Variants in KIDINS220 observed in about 807,000 individuals in gnomAD.
KIDINS220 encodes the protein kinase D interacting substrate 220.
A neutral mutation model predicts 157.6 loss-of-function variants in KIDINS220; 63 were observed. The observed-to-expected ratio is 0.40, with a 90% CI of 0.33 to 0.49. The LOEUF (loss-of-function observed/expected upper bound fraction) is 0.49. Among genes scored for constraint, KIDINS220 ranks in the 20% least tolerant of loss-of-function variants. The pLI, the probability that KIDINS220 is intolerant of heterozygous loss-of-function variation, is 0.66. For synonymous variants in KIDINS220, 732 were observed against 783.6 expected (o/e 0.93, Z 1.10); for missense variants, 1,772 against 2,171.2 (o/e 0.82, Z 3.65).
intron 4 of KIDINS220, among the ~76,000 whole-genome samples, chr2:8,817,184 G>A (rs1284324663): frequency 6.6e-6 from 1 of 152,108 alleles, no homozygotes; most frequent in Non-Finnish European, 1.5e-5. Flanking sequence ...CTTCTGTCAT[G>A]CACAGATAGC....
intron 21 of KIDINS220, among the ~76,000 whole-genome samples, chr2:8,771,251 T>G (rs1345330693): frequency 6.6e-6 from 1 of 152,228 alleles, no homozygotes; most frequent in Non-Finnish European, 1.5e-5. Context: ...GATCCAAATA[T>G]GCCAGTCCAT....
intron 24 of KIDINS220, among the ~76,000 whole-genome samples, chr2:8,748,360 A>C (rs758212169): frequency 5.9e-5 from 9 of 152,216 alleles, no homozygotes; most frequent in African/African-American, 9.6e-5. Flanking sequence ...TAAAAGAAGC[A>C]GACTGGAATC....
In KIDINS220 at chr2:8,826,986, C is replaced by T; in HGVS notation, c.108G>A (p.Glu36=). 1.3e-6 allele frequency: 2 copies of T among 1,574,000 alleles called. No individual in the cohort carries two copies. Among genetic ancestry groups the T allele is most frequent in the Non-Finnish European group, 1.7e-6 (2 of 1,150,956 alleles). Residue 36 remains glutamate, a splice_region_variant and synonymous_variant, in exon 2 of 30, where the codon GAG becomes GAA. Coordinates refer to ENST00000256707, the MANE Select transcript of KIDINS220 (RefSeq NM_020738.4). ...TGTAATTTTGCAAACTTGGTCTTAC[C>T]TCATTTCTCTCATCTACATCTTTGC... is the stretch of plus-strand genomic sequence containing the variant. The part of the protein sequence containing the change: ...EKCKDVDERN[E]CGQTPLMIAA...
intron 1 of KIDINS220, among the ~76,000 whole-genome samples, chr2:8,832,737 AC>A (rs778525032): frequency 5.9e-5 from 9 of 152,230 alleles, no homozygotes; most frequent in Non-Finnish European, 1.0e-4. Flanking sequence ...CTCATCTTTC[AC>A]ATTTCAGTTC....
At chr2:8,746,931 GGGAAAA>G in intron 26 of KIDINS220, 1 of 490,736 alleles carries the variant, frequency 2.0e-6, no homozygotes, top group East Asian at 3.2e-5. Context: ...ATTGAAAAAG[GGGAAAA>G]GCAGGAGGAA....
downstream of KIDINS220, chr2:8,724,572 G>A (rs1663158449): frequency 6.6e-6 from 1 of 152,110 alleles, no homozygotes; most frequent in South Asian, 2.1e-4. The surrounding 1 kb of genome is among the most constrained non-coding windows in gnomAD (Gnocchi z 4.6). Context: ...TGTAGGATTT[G>A]TGGGCAGACA....
chr2:8,777,998 C>T (rs1671199553), intron 20 of KIDINS220, among the ~76,000 whole-genome samples: 1 of 152,100 alleles, frequency 6.6e-6, no homozygotes, highest in Non-Finnish European at 1.5e-5. Context: ...CAGAAAAAAA[C>T]ATAATGCCAA....
At chr2:8,793,352 T>C (rs1365928374) in intron 12 of KIDINS220, among the ~76,000 whole-genome samples, 1 of 151,964 alleles carries the variant, frequency 6.6e-6, no homozygotes, top group Non-Finnish European at 1.5e-5. Flanking sequence ...AAAAATCAGC[T>C]GGGTGTGGTA....
At chr2:8,775,454 G>T (rs115129822) in intron 21 of KIDINS220, among the ~76,000 whole-genome samples, 1 of 152,138 alleles carries the variant, frequency 6.6e-6, no homozygotes, top group Non-Finnish European at 1.5e-5. Flanking sequence ...AAATCCAGTC[G>T]GTGTGGCATT....
chr2:8,736,825 C>A (rs1466603228), intron 27 of KIDINS220, 43 bp downstream of exon 27: 1 of 1,608,714 alleles, frequency 6.2e-7, no homozygotes, highest in African/African-American at 1.3e-5. Flanking sequence ...CTGTCTTCCG[C>A]CCCCAGCGCT....
intron 14 of KIDINS220, 92 bp from the exon 15 acceptor site, chr2:8,788,904 A>G (rs1004047078): frequency 1.9e-6 from 2 of 1,065,292 alleles, no homozygotes; most frequent in African/African-American, 1.6e-5. Context: ...ATGAGAGCTA[A>G]GCTTACATAG....
At chr2:8,800,268 T>C (rs1361552760) in intron 9 of KIDINS220, 132 bp downstream of exon 9, 6 of 550,444 alleles carry the variant, frequency 1.1e-5, no homozygotes, top group African/African-American at 3.8e-5. Flanking sequence ...TTAGTAATAA[T>C]ATACGTCTGT....
chr2:8,763,028 T>A (rs1668982873), intron 22 of KIDINS220, among the ~76,000 whole-genome samples: 1 of 152,196 alleles, frequency 6.6e-6, no homozygotes, highest in African/African-American at 2.4e-5. Flanking sequence ...TGCAGAAAAA[T>A]TTCTATCTGC....
intron 1 of KIDINS220, among the ~76,000 whole-genome samples, chr2:8,830,445 G>T (rs1679444595): frequency 6.6e-6 from 1 of 152,074 alleles, no homozygotes; most frequent in African/African-American, 2.4e-5. Context: ...TTGAGACAGG[G>T]TCTCACTCTG....
At position 8,817,134 on chromosome 2, in the gene KIDINS220, G is replaced by T. The variant is rs536067910; in HGVS notation, c.306+484C>A. On this transcript the variant is annotated intron_variant, in intron 4 of 29. Coordinates refer to ENST00000256707, the MANE Select transcript of KIDINS220 (RefSeq NM_020738.4). ...TGCTTTAACCAGATGCCAAACTCAAGTAAGAGCTAAGTAATAATTAAGGAT... is the reference window on the plus strand; with the variant it reads ...TGCTTTAACCAGATGCCAAACTCAATTAAGAGCTAAGTAATAATTAAGGAT... Among the ~76,000 whole-genome samples the T allele has an allele frequency of 2.0e-5, 3 of 152,278 alleles. No homozygotes were observed. The East Asian group carries it at 5.8e-4, about 29-fold the overall frequency.
chr2:8,724,281 C>T (rs902419350), downstream of KIDINS220: 1 of 152,364 alleles, frequency 6.6e-6, no homozygotes, highest in South Asian at 2.1e-4. The surrounding 1 kb of genome is among the most constrained non-coding windows in gnomAD (Gnocchi z 4.6). Context: ...CGGAGTCTCA[C>T]TCTGTCGCCC....
At chr2:8,787,013 T>A (rs974986257) in intron 15 of KIDINS220, among the ~76,000 whole-genome samples, 3 of 152,110 alleles carry the variant, frequency 2.0e-5, no homozygotes, top group African/African-American at 7.2e-5. Flanking sequence ...AATTAAACTC[T>A]CATCTCAGTC....
chr2:8,762,142 A>G (rs1245592773), intron 22 of KIDINS220, among the ~76,000 whole-genome samples: 1 of 152,204 alleles, frequency 6.6e-6, no homozygotes, highest in Non-Finnish European at 1.5e-5. Context: ...TATTTCTTAC[A>G]TATTAAAACA....
chr2:8,800,319 T>C lies in KIDINS220; in HGVS notation c.900+81A>G, dbSNP rs553413318. 22 of 799,670 alleles carry C rather than the reference T, an allele frequency of 2.8e-5. No homozygotes were observed. The Admixed American group carries it at 5.3e-4, about 19-fold the overall frequency. 49.5% of individuals were successfully genotyped at this position (799,670 alleles called of 1,614,324 possible). On this transcript the variant is annotated intron_variant, in intron 9 of 29. Transcript: ENST00000256707. Reference sequence around the variant, plus strand: ...TTACAAGTTTATCTCCATAGGAAAGTGGGAAGAATAACATTATGATCAGTC... The same window carrying C: ...TTACAAGTTTATCTCCATAGGAAAGCGGGAAGAATAACATTATGATCAGTC...
Sources: gnomAD v4.1 joint callset for allele counts (sites outside exome capture counted in the v4.1 genomes callset) on GRCh38, gnomAD v4.1.1 for gene constraint, Gnocchi (gnomAD v3.1) non-coding constraint, MANE v1.5 for transcripts, NCBI Gene and HGNC (gene_info 2026-07-23, HGNC 2026-07-21) for gene names.